LAMA2: variants seen among roughly 807,000 people sequenced by gnomAD.
LAMA2 encodes laminin subunit alpha-2.
Under a neutral mutation model 364.8 loss-of-function variants are expected in LAMA2, and 269 were observed. The observed-to-expected ratio is 0.74, with a 90% CI of 0.67 to 0.82. The LOEUF is 0.82. LAMA2 is among the 40% of genes least tolerant of loss of function. The pLI, the probability that LAMA2 is intolerant of heterozygous loss-of-function variation, is 0.00. For missense variants in LAMA2, 3,807 were observed against 3,873.2 expected, an observed-to-expected ratio of 0.98 and a Z score of 0.45; for synonymous variants, 1,379 against 1,370.6, an observed-to-expected ratio of 1.01 and a Z score of -0.14.
In LAMA2 at chr6:129,297,690, G is replaced by A; in HGVS notation, c.2862G>A (p.Gly954=). 6.2e-7 allele frequency: 1 copy of A among 1,613,638 alleles called. No homozygotes were observed. The highest frequency in any genetic ancestry group is 8.5e-7 in the Non-Finnish European group (1 of 1,179,932). The change falls in exon 21 of 65, where the codon GGG becomes GGA. Residue 954 remains glycine, a synonymous_variant. Transcript: ENST00000421865. ...QGQRCDKCKA[G]TFGLQSARGC... ...CTCTCCTCTTCCATTGCCAGGCTGG[G>A]ACCTTTGGCCTACAATCAGCAAGGG...
At chr6:128,984,930 C>A (rs2114646767) in intron 1 of LAMA2, among the ~76,000 whole-genome samples, 1 of 152,232 alleles carries the variant, frequency 6.6e-6, no homozygotes, top group Non-Finnish European at 1.5e-5. Context: ...TTACTAGGAA[C>A]CATCACTTTC....
intron 1 of LAMA2, among the ~76,000 whole-genome samples, chr6:128,993,651 A>G (rs183173291): frequency 1.9e-4 from 29 of 152,276 alleles, no homozygotes; most frequent in African/African-American, 6.0e-4. Flanking sequence ...TGATGTAAAA[A>G]GATTGTTTTT....
intron 21 of LAMA2, among the ~76,000 whole-genome samples, chr6:129,298,403 G>T (rs1010887476): frequency 4.6e-5 from 7 of 152,146 alleles, no homozygotes; most frequent in South Asian, 2.1e-4. Flanking sequence ...ATCAAAAAAT[G>T]CAGGCAGAGG....
intron 1 of LAMA2, among the ~76,000 whole-genome samples, chr6:128,978,699 A>G (rs999926477): frequency 6.6e-6 from 1 of 152,216 alleles, no homozygotes; most frequent in Non-Finnish European, 1.5e-5. Context: ...AATGGCAAGT[A>G]TCATTTGACT....
At chr6:129,066,048 T>G (rs1235638354) in intron 3 of LAMA2, among the ~76,000 whole-genome samples, 1 of 87,054 alleles carries the variant, frequency 1.1e-5, no homozygotes, top group Non-Finnish European at 2.5e-5. Context: ...GTTTTTTTTT[T>G]TTTTTTTTTT....
chr6:129,120,858 A>G (rs1051459069), intron 4 of LAMA2, among the ~76,000 whole-genome samples: 1 of 152,232 alleles, frequency 6.6e-6, no homozygotes, highest in Non-Finnish European at 1.5e-5. Context: ...TGGGCATTAT[A>G]GAAGAATCCA....
chr6:129,291,481 C>G, intron 19 of LAMA2, 133 bp from the exon 20 acceptor site: 1 of 719,932 alleles, frequency 1.4e-6, no homozygotes, highest in Non-Finnish European at 2.5e-6. Flanking sequence ...TAACAGGGCA[C>G]TTAACAAATC....
intron 22 of LAMA2, among the ~76,000 whole-genome samples, chr6:129,302,051 C>T (rs1773583027): frequency 6.6e-6 from 1 of 152,058 alleles, no homozygotes; most frequent in African/African-American, 2.4e-5. Flanking sequence ...TACCTGTTTA[C>T]CATTTAATGG....
At chr6:128,900,440 A>C (rs1777018813) in intron 1 of LAMA2, among the ~76,000 whole-genome samples, 1 of 152,198 alleles carries the variant, frequency 6.6e-6, no homozygotes, top group Non-Finnish European at 1.5e-5. Context: ...GAATGATAGA[A>C]AAATAGAAAA....
intron 32 of LAMA2, among the ~76,000 whole-genome samples, chr6:129,353,718 T>G (rs1428905379): frequency 1.3e-5 from 2 of 152,168 alleles, no homozygotes; most frequent in African/African-American, 4.8e-5. Context: ...ATTAAAAAAT[T>G]TAGAATCCTC....
At position 129,059,743 on chromosome 6, in the gene LAMA2, T is replaced by A. The variant is rs753138352; in HGVS notation, c.284-41T>A. Reference sequence around the variant, plus strand: ...AAAAAGCTATAAACTAGTTATATGATCTTTTCTTCTTCCTTTCATATGATG... The same window carrying A: ...AAAAAGCTATAAACTAGTTATATGAACTTTTCTTCTTCCTTTCATATGATG... On this transcript the variant is annotated intron_variant, in intron 2 of 64. Transcript: ENST00000421865. 8.9e-6 allele frequency: 11 copies of A among 1,230,632 alleles called. No individual in the cohort carries two copies. The African/African-American group carries it at 1.3e-4, about 15-fold the overall frequency. 76.2% of individuals were successfully genotyped at this position (1,230,632 alleles called of 1,614,324 possible).
intron 56 of LAMA2, 23 bp downstream of exon 56, chr6:129,486,645 T>C (rs1784601522): frequency 1.2e-6 from 2 of 1,607,844 alleles, no homozygotes; most frequent in Admixed American, 3.3e-5. Context: ...CTAAAATATT[T>C]ATTATTGTAA....
chr6:129,373,451 T>C (rs1430166324), intron 34 of LAMA2, among the ~76,000 whole-genome samples: 4 of 152,212 alleles, frequency 2.6e-5, no homozygotes, highest in Non-Finnish European at 5.9e-5. Context: ...ATGTGTCATA[T>C]ACATGTTATA....
At chr6:129,489,805 C>A (rs1254900303) in intron 56 of LAMA2, among the ~76,000 whole-genome samples, 2 of 152,022 alleles carry the variant, frequency 1.3e-5, no homozygotes, top group African/African-American at 2.4e-5. Flanking sequence ...ATATCTTCTT[C>A]CACGTATGCA....
chr6:129,503,374 GAC>G, intron 60 of LAMA2, 94 bp downstream of exon 60: 1 of 1,144,062 alleles, frequency 8.7e-7, no homozygotes. Context: ...TGCCAGGGCA[GAC>G]ACTGACTCTG....
At chr6:129,205,854 A>G (rs1187982481) in intron 12 of LAMA2, among the ~76,000 whole-genome samples, 1 of 151,532 alleles carries the variant, frequency 6.6e-6, no homozygotes, top group Non-Finnish European at 1.5e-5. Flanking sequence ...GTGAAACCCC[A>G]CTCTACTAAA....
chr6:128,995,073 A>G (rs776793837), intron 1 of LAMA2, among the ~76,000 whole-genome samples: 10 of 152,210 alleles, frequency 6.6e-5, no homozygotes, highest in Admixed American at 1.3e-4. Context: ...TGATTCTCCT[A>G]TAGATGAATC....
intron 3 of LAMA2, among the ~76,000 whole-genome samples, chr6:129,091,093 A>T (rs910957358): frequency 1.3e-5 from 2 of 152,174 alleles, no homozygotes; most frequent in African/African-American, 4.8e-5. Context: ...GAAAAAAAAT[A>T]ACATTTTCAT....
chr6:129,350,362 A>C (rs1449778175), intron 31 of LAMA2, among the ~76,000 whole-genome samples: 2 of 152,208 alleles, frequency 1.3e-5, no homozygotes, highest in Non-Finnish European at 2.9e-5. Context: ...TATTGTGACA[A>C]TAAGTGTGTA....
Sources: allele counts gnomAD v4.1 joint callset (sites outside exome capture counted in the v4.1 genomes callset), GRCh38; gene constraint gnomAD v4.1.1; transcripts MANE v1.5; gene names NCBI Gene and HGNC (gene_info 2026-07-23, HGNC 2026-07-21).